The following MAL2 variants were observed in gnomAD, a reference collection of about 807,000 sequenced individuals.
MAL2 encodes the protein protein MAL2.
A neutral mutation model predicts 18.1 loss-of-function variants in MAL2; 17 were observed. That is an observed-to-expected ratio of 0.94 (90% CI 0.64 to 1.41). MAL2 has a LOEUF of 1.41. MAL2 is among the 40% of genes most tolerant of loss of function. MAL2 has a pLI of 0.00. For missense variants in MAL2, 222 were observed against 231.9 expected (o/e 0.96, Z 0.28); for synonymous variants, 102 against 102.3 (o/e 1.00, Z 0.02).
At chr8:119,239,670 A>G (rs1365005493) in intron 2 of MAL2, among the ~76,000 whole-genome samples, 1 of 151,722 alleles carries the variant, frequency 6.6e-6, no homozygotes, top group South Asian at 2.1e-4. Context: ...TATCGCAAGA[A>G]CAAAAAACCA....
chr8:119,234,257 A>T (rs1426608862), intron 2 of MAL2, among the ~76,000 whole-genome samples: 2 of 152,094 alleles, frequency 1.3e-5, no homozygotes, highest in Non-Finnish European at 2.9e-5. Flanking sequence ...AGACCGGCTT[A>T]AAAAACGGCG....
chr8:119,210,733 T>C (rs1817255804), intron 1 of MAL2, among the ~76,000 whole-genome samples: 1 of 152,226 alleles, frequency 6.6e-6, no homozygotes, highest in Non-Finnish European at 1.5e-5. Flanking sequence ...TTCCTCTGGC[T>C]TCTTACATCC....
chr8:119,235,018 A>G (rs564143984), intron 2 of MAL2, among the ~76,000 whole-genome samples: 14 of 152,004 alleles, frequency 9.2e-5, no homozygotes, highest in East Asian at 3.9e-4. Context: ...TCTGAGCTAC[A>G]GGAGGACATT....
At chr8:119,234,030 C>T (rs1290737613) in intron 2 of MAL2, among the ~76,000 whole-genome samples, 1 of 152,190 alleles carries the variant, frequency 6.6e-6, no homozygotes, top group Non-Finnish European at 1.5e-5. Flanking sequence ...ATGATTTCTG[C>T]ATTTCCATCT....
chr8:119,227,205 C>T (rs1817614375), intron 2 of MAL2, among the ~76,000 whole-genome samples: 1 of 152,178 alleles, frequency 6.6e-6, no homozygotes, highest in South Asian at 2.1e-4. Flanking sequence ...AAAGGAAAAG[C>T]CTAGCATGCC....
chr8:119,239,744 G>A (rs772611202), intron 2 of MAL2, among the ~76,000 whole-genome samples: 2 of 149,060 alleles, frequency 1.3e-5, no homozygotes, highest in African/African-American at 2.6e-5. Flanking sequence ...CACAGGAAGG[G>A]GAACATCACA....
chr8:119,214,799 A>G (rs1445286742), intron 1 of MAL2, among the ~76,000 whole-genome samples: 2 of 152,354 alleles, frequency 1.3e-5, no homozygotes, highest in East Asian at 1.9e-4. Flanking sequence ...TTCTTTTGCA[A>G]TGAGTATTAA....
At chr8:119,230,706 G>GTGCC in intron 2 of MAL2, among the ~76,000 whole-genome samples, 1 of 152,246 alleles carries the variant, frequency 6.6e-6, no homozygotes, top group South Asian at 2.1e-4. Flanking sequence ...AGTTAAATGA[G>GTGCC]TGCCTAATGA....
At chr8:119,215,320 G>C (rs1443087854) in intron 1 of MAL2, 1 of 152,194 alleles carries the variant, frequency 6.6e-6, no homozygotes, top group Non-Finnish European at 1.5e-5. Flanking sequence ...CTCCAGACCG[G>C]AGTGTGTTCC....
chr8:119,231,524 A>G (rs1353507763), intron 2 of MAL2, among the ~76,000 whole-genome samples: 1 of 152,216 alleles, frequency 6.6e-6, no homozygotes, highest in African/African-American at 2.4e-5. Flanking sequence ...CAGTCGTTAT[A>G]GAGAACAGTG....
chr8:119,217,038 G>A (rs189755527), intron 1 of MAL2, among the ~76,000 whole-genome samples: 1 of 152,332 alleles, frequency 6.6e-6, no homozygotes, highest in East Asian at 1.9e-4. Context: ...TGTAATTCAT[G>A]CACCCAGAAT....
intron 2 of MAL2, among the ~76,000 whole-genome samples, chr8:119,226,420 T>TAACTA (rs1554638874): frequency 6.8e-6 from 1 of 147,324 alleles, no homozygotes; most frequent in Non-Finnish European, 1.5e-5. Context: ...TTTTTTTTTT[T>TAACTA]AACTAGTAGA....
intron 2 of MAL2, chr8:119,223,983 A>AAAAT (rs1193626479): frequency 6.6e-6 from 1 of 152,182 alleles, no homozygotes; most frequent in Non-Finnish European, 1.5e-5. Context: ...TAATGGCTCA[A>AAAAT]AAATAGTTGT....
chr8:119,231,253 C>G (rs571244049), intron 2 of MAL2, among the ~76,000 whole-genome samples: 2 of 152,220 alleles, frequency 1.3e-5, no homozygotes, highest in African/African-American at 4.8e-5. Context: ...AGGATGGTCT[C>G]TCTCTCCTGA....
rs550697332 is a variant in MAL2 at position 119,238,044 on chromosome 8, C to T, written c.304-2121C>T. Among the ~76,000 whole-genome samples the T allele has an allele frequency of 8.5e-5, 13 of 152,324 alleles. No homozygotes were observed. The South Asian group carries it at 2.7e-3, about 32-fold the overall frequency. ...TTGTATATCTAGAAAACCCCATTGT[C>T]TCAGCCCAGAATCTCCTTAAGCTGA... On this transcript the variant is annotated intron_variant, in intron 2 of 3. Coordinates refer to ENST00000614891, the MANE Select transcript of MAL2 (RefSeq NM_052886.3).
In MAL2 at chr8:119,243,622, T is replaced by C; in HGVS notation, c.*134T>C. 1.7e-6 allele frequency: 1 copy of C among 594,478 alleles called. No individual in the cohort carries two copies. The highest frequency in any genetic ancestry group is 2.6e-6 in the Non-Finnish European group (1 of 384,836). The allele number at this position is 594,478 out of a possible 1,614,324, so 36.8% of individuals were successfully genotyped here. A position where few individuals can be genotyped will look rare whatever the true frequency, so the allele number is the denominator to read the frequency against. On this transcript the variant is annotated 3_prime_UTR_variant, in exon 4 of 4. Transcript: ENST00000614891. ...TGTTTAGTAGAGAGAGACTCTAAGC[T>C]CAAGTTCTGGTTTATTTCATGGATG...
At chr8:119,213,880 C>T (rs1483444394) in intron 1 of MAL2, among the ~76,000 whole-genome samples, 1 of 152,054 alleles carries the variant, frequency 6.6e-6, no homozygotes, top group Admixed American at 6.6e-5. Flanking sequence ...TAAACCAATG[C>T]CCCTGCCAGA....
chr8:119,220,215 G>A (rs1015122494), intron 1 of MAL2, among the ~76,000 whole-genome samples: 2 of 152,136 alleles, frequency 1.3e-5, no homozygotes, highest in Non-Finnish European at 2.9e-5. Context: ...CAGAAATCTG[G>A]GTATTTTCCT....
At chr8:119,225,132 TTTTATACTTTA>T (rs1817558788) in intron 2 of MAL2, among the ~76,000 whole-genome samples, 1 of 152,146 alleles carries the variant, frequency 6.6e-6, no homozygotes, top group Non-Finnish European at 1.5e-5. Flanking sequence ...CTCCAACTTT[TTTTATACTTTA>T]GGTTTTAGGG....
Sources: allele counts gnomAD v4.1 joint callset (sites outside exome capture counted in the v4.1 genomes callset), GRCh38; gene constraint gnomAD v4.1.1; transcripts MANE v1.5; gene names NCBI Gene and HGNC (gene_info 2026-07-23, HGNC 2026-07-21).